The following XKR9 variants were observed in gnomAD, a reference collection of about 807,000 sequenced individuals.
The protein encoded by XKR9 is XK-related protein 9.
A neutral mutation model predicts 32.0 loss-of-function variants in XKR9; 32 were observed. The observed-to-expected ratio is 1.00, with a 90% CI of 0.76 to 1.34. The LOEUF (loss-of-function observed/expected upper bound fraction) is 1.34, where lower values mean the gene tolerates loss of function less well. Among genes scored for constraint, XKR9 ranks in the 40% most tolerant of loss-of-function variants. The probability of loss-of-function intolerance (pLI) is 0.00; values close to 1 mark genes in which losing one functional copy is unlikely to be tolerated. For synonymous variants in XKR9, 168 were observed against 143.4 expected, an observed-to-expected ratio of 1.17 and a Z score of -1.22; for missense variants, 546 against 429.7, an observed-to-expected ratio of 1.27 and a Z score of -2.39.
At position 70,701,316 on chromosome 8, in the gene XKR9, T is replaced by G. The variant is rs551777214; in HGVS notation, c.273-5617T>G. ...GAGCTGTAGACCGGAGCTGTTCCTA[T>G]TCGTCCATCTTGGCTGCCACCTCTC... On this transcript the variant is annotated intron_variant, in intron 3 of 4. Transcript: ENST00000408926. 2.4e-4 allele frequency among the ~76,000 whole-genome samples: 37 copies of G among 152,318 alleles called. 1 individual carries two copies. The highest frequency in any genetic ancestry group is 8.7e-4 in the African/African-American group (36 of 41,562).
chr8:70,823,472 A>G, the XKR9 span, among the ~76,000 whole-genome samples: 1 of 152,204 alleles, frequency 6.6e-6, no homozygotes, highest in African/African-American at 2.4e-5. Context: ...AGAAGGTCCA[A>G]TGCAAACATT....
intron 2 of XKR9, among the ~76,000 whole-genome samples, chr8:70,777,094 C>G (rs1444910694): frequency 6.6e-6 from 1 of 151,624 alleles, no homozygotes; most frequent in Non-Finnish European, 1.5e-5. Flanking sequence ...TCTCCTAATG[C>G]TATCCCTCTC....
chr8:70,737,618 C>G (rs1175985086), downstream of XKR9, among the ~76,000 whole-genome samples: 7 of 104,492 alleles, frequency 6.7e-5, 1 homozygote, highest in Admixed American at 1.9e-4. Flanking sequence ...TCATAGATAG[C>G]TCTTATTATT....
the XKR9 span, among the ~76,000 whole-genome samples, chr8:70,919,012 C>T: frequency 1.1e-4 from 17 of 151,942 alleles, no homozygotes; most frequent in South Asian, 1.7e-3. Flanking sequence ...TTCCTGACCT[C>T]GTGATCCACC....
intron 4 of XKR9, among the ~76,000 whole-genome samples, chr8:70,726,103 G>A (rs919261084): frequency 3.9e-5 from 6 of 152,142 alleles, no homozygotes; most frequent in African/African-American, 1.4e-4. Flanking sequence ...CCCCATCACA[G>A]CAATATGAAT....
chr8:71,027,726 C>G, the XKR9 span, among the ~76,000 whole-genome samples: 1 of 149,254 alleles, frequency 6.7e-6, no homozygotes, highest in Non-Finnish European at 1.5e-5. Context: ...TTTGTGGTTT[C>G]ATATACATTT....
chr8:70,903,440 A>G, the XKR9 span, among the ~76,000 whole-genome samples: 1 of 152,246 alleles, frequency 6.6e-6, no homozygotes, highest in East Asian at 1.9e-4. Context: ...TGTTTATAGT[A>G]TTCTCTGATG....
the XKR9 span, among the ~76,000 whole-genome samples, chr8:70,950,672 A>G: frequency 2.3e-5 from 3 of 128,010 alleles, no homozygotes; most frequent in African/African-American, 7.7e-5. Flanking sequence ...TTCTTTTTCT[A>G]TTCTTTGTTT....
chr8:71,038,475 C>T, the XKR9 span, among the ~76,000 whole-genome samples: 80 of 151,742 alleles, frequency 5.3e-4, no homozygotes, highest in African/African-American at 1.9e-3. Flanking sequence ...CACACACCAC[C>T]ACACCTGGCT....
chr8:70,848,690 C>T, the XKR9 span, among the ~76,000 whole-genome samples: 3 of 150,878 alleles, frequency 2.0e-5, no homozygotes, highest in African/African-American at 7.3e-5. Context: ...TTCAAAAGAT[C>T]CATCTCACAT....
chr8:70,809,254 C>G, the XKR9 span, among the ~76,000 whole-genome samples: 1 of 152,140 alleles, frequency 6.6e-6, no homozygotes, highest in Non-Finnish European at 1.5e-5. Flanking sequence ...AGAAGGAAAA[C>G]TAACAAACAG....
chr8:71,029,403 A>G, the XKR9 span, among the ~76,000 whole-genome samples: 1 of 152,142 alleles, frequency 6.6e-6, no homozygotes, highest in African/African-American at 2.4e-5. Context: ...TGATTTGCCC[A>G]AAAGAGTAAT....
chr8:70,939,493 G>A, the XKR9 span, among the ~76,000 whole-genome samples: 2 of 152,022 alleles, frequency 1.3e-5, no homozygotes, highest in African/African-American at 2.4e-5. Context: ...CTGAATCAAC[G>A]ATTTGGATTG....
the XKR9 span, among the ~76,000 whole-genome samples, chr8:70,979,086 C>T: frequency 6.6e-6 from 1 of 152,160 alleles, no homozygotes; most frequent in Non-Finnish European, 1.5e-5. Context: ...TCAGATCCAT[C>T]AGGTCATTTA....
chr8:70,683,422 C>A, intron 3 of XKR9: 1 of 386,402 alleles, frequency 2.6e-6, no homozygotes, highest in Non-Finnish European at 5.0e-6. Flanking sequence ...TTTATGTTTA[C>A]CCATATATTT....
chr8:70,756,195 T>C (rs181342795), intron 2 of XKR9, among the ~76,000 whole-genome samples: 48 of 152,348 alleles, frequency 3.2e-4, no homozygotes, highest in African/African-American at 1.1e-3. Context: ...TGGATGTATT[T>C]CTGGCCTCTC....
the XKR9 span, among the ~76,000 whole-genome samples, chr8:70,978,180 CTT>C: frequency 6.6e-6 from 1 of 152,110 alleles, no homozygotes; most frequent in Non-Finnish European, 1.5e-5. Context: ...GGTCTTGACT[CTT>C]TATCCAATTT....
At chr8:70,817,417 C>T in the XKR9 span, among the ~76,000 whole-genome samples, 3 of 151,936 alleles carry the variant, frequency 2.0e-5, no homozygotes, top group Admixed American at 2.0e-4. Flanking sequence ...TACATCTAAC[C>T]AGGAAGTTCA....
At chr8:70,992,997 T>G in the XKR9 span, among the ~76,000 whole-genome samples, 5 of 152,246 alleles carry the variant, frequency 3.3e-5, no homozygotes, top group African/African-American at 1.2e-4. Flanking sequence ...AGCCCTAGGA[T>G]GGCAAATGCT....
Sources: gnomAD v4.1 joint callset for allele counts (sites outside exome capture counted in the v4.1 genomes callset) on GRCh38, gnomAD v4.1.1 for gene constraint, MANE v1.5 for transcripts, NCBI Gene and HGNC (gene_info 2026-07-23, HGNC 2026-07-21) for gene names.